CSMD1: variants seen among roughly 807,000 people sequenced by gnomAD.
CSMD1 encodes the protein CUB and Sushi multiple domains 1, also known as CUB and sushi domain-containing protein 1.
In CSMD1, 213 loss-of-function variants were observed where a neutral mutation model predicts 417.5. The ratio of observed to expected loss-of-function variants is 0.51; its 90% CI spans 0.46 to 0.57. The LOEUF is 0.57. Among genes scored for constraint, CSMD1 ranks in the 20% least tolerant of loss-of-function variants. CSMD1 has a pLI of 0.00. For missense variants in CSMD1, 6,923 were observed against 4,529.7 expected (o/e 1.53, Z -15.17); for synonymous variants, 2,862 against 1,736.8 (o/e 1.65, Z -16.11).
intron 23 of CSMD1, among the ~76,000 whole-genome samples, chr8:3,309,143 C>A (rs1056145199): frequency 1.3e-5 from 2 of 152,294 alleles, no homozygotes; most frequent in South Asian, 4.1e-4. Flanking sequence ...ACGGGATACT[C>A]TGCTGCCTCT....
At chr8:3,045,392 CA>C (rs112801387) in intron 50 of CSMD1, among the ~76,000 whole-genome samples, 5 of 149,972 alleles carry the variant, frequency 3.3e-5, no homozygotes, top group African/African-American at 7.3e-5. Flanking sequence ...TATTTTAAAA[CA>C]AAAAAAAATA....
intron 8 of CSMD1, among the ~76,000 whole-genome samples, chr8:3,610,024 A>C (rs962439318): frequency 6.6e-6 from 1 of 151,874 alleles, no homozygotes; most frequent in African/African-American, 2.4e-5. Context: ...CTGGTCTCAA[A>C]ATCCTGACCT....
At chr8:4,075,634 C>A (rs991118533) in intron 3 of CSMD1, among the ~76,000 whole-genome samples, 1 of 152,124 alleles carries the variant, frequency 6.6e-6, no homozygotes. Flanking sequence ...GTATAACTCA[C>A]ACTGTGTTGG....
chr8:4,007,846 G>C (rs953811565), intron 4 of CSMD1, among the ~76,000 whole-genome samples: 6 of 152,100 alleles, frequency 3.9e-5, no homozygotes, highest in Non-Finnish European at 5.9e-5. Context: ...TCTAAGAATA[G>C]AAGAAGAAAA....
At chr8:3,709,847 G>C (rs1213762437) in intron 6 of CSMD1, among the ~76,000 whole-genome samples, 1 of 136,750 alleles carries the variant, frequency 7.3e-6, no homozygotes, top group Non-Finnish European at 1.6e-5. Context: ...ATCTGTGTGT[G>C]TACGTGTGTG....
At chr8:3,785,422 C>T (rs1205908669) in intron 5 of CSMD1, among the ~76,000 whole-genome samples, 2 of 152,172 alleles carry the variant, frequency 1.3e-5, no homozygotes, top group African/African-American at 2.4e-5. Context: ...TCAGGCTAAG[C>T]AGCTGGGACC....
intron 1 of CSMD1, among the ~76,000 whole-genome samples, chr8:4,950,742 A>C (rs2117281411): frequency 1.3e-5 from 2 of 152,258 alleles, no homozygotes; most frequent in African/African-American, 4.8e-5. Context: ...ACTTTCAAAC[A>C]ATATAGCATT....
chr8:4,322,331 G>T (rs1015841372), intron 3 of CSMD1, among the ~76,000 whole-genome samples: 6 of 148,868 alleles, frequency 4.0e-5, no homozygotes, highest in Admixed American at 1.3e-4. Flanking sequence ...ACTTTTTTTT[G>T]CAACAATCTG....
chr8:4,068,411 C>T (rs897532527), intron 3 of CSMD1, among the ~76,000 whole-genome samples: 5 of 152,112 alleles, frequency 3.3e-5, no homozygotes, highest in Non-Finnish European at 5.9e-5. Context: ...TGGGGAGAGA[C>T]ATGAAAAGCA....
At chr8:3,266,063 T>C (rs2117118879) in intron 26 of CSMD1, among the ~76,000 whole-genome samples, 1 of 151,956 alleles carries the variant, frequency 6.6e-6, no homozygotes, top group Admixed American at 6.6e-5. Context: ...TTGAAGTTAT[T>C]ACCTTATGAA....
chr8:4,675,796 T>A (rs1174741861), intron 1 of CSMD1, among the ~76,000 whole-genome samples: 1 of 152,222 alleles, frequency 6.6e-6, no homozygotes, highest in East Asian at 1.9e-4. Flanking sequence ...TCAGGTACTC[T>A]GTTTTCTTTG....
At chr8:3,028,786 C>G (rs888733464) in intron 51 of CSMD1, among the ~76,000 whole-genome samples, 1 of 152,168 alleles carries the variant, frequency 6.6e-6, no homozygotes, top group Non-Finnish European at 1.5e-5. Flanking sequence ...AGATTGTATA[C>G]TAGACACATC....
At chr8:4,077,486 C>G (rs186048407) in intron 3 of CSMD1, among the ~76,000 whole-genome samples, 29 of 151,972 alleles carry the variant, frequency 1.9e-4, no homozygotes, top group Non-Finnish European at 2.8e-4. Flanking sequence ...TGAGGCTTCA[C>G]CTCAGTTTAC....
intron 3 of CSMD1, among the ~76,000 whole-genome samples, chr8:4,295,750 GTATATATATA>G (rs756556655): frequency 0.045 from 1,547 of 34,208 alleles, 28 homozygotes; most frequent in Middle Eastern, 0.12. Flanking sequence ...ATGTGTGTGT[GTATATATATA>G]TATATATATA....
intron 2 of CSMD1, among the ~76,000 whole-genome samples, chr8:4,631,801 G>A (rs777893681): frequency 6.6e-6 from 1 of 152,100 alleles, no homozygotes; most frequent in Non-Finnish European, 1.5e-5. Flanking sequence ...AAAATTAGGG[G>A]TAATCTTGTT....
chr8:3,346,265 A>G (rs1313424975), intron 22 of CSMD1, among the ~76,000 whole-genome samples: 1 of 152,208 alleles, frequency 6.6e-6, no homozygotes, highest in Non-Finnish European at 1.5e-5. Flanking sequence ...ACAAATGAAC[A>G]TAATTTCCTT....
chr8:4,031,959 T>A lies in CSMD1; in HGVS notation c.556A>T (p.Ile186Phe). 1 of 1,613,930 alleles carries A rather than the reference T, an allele frequency of 6.2e-7. No individual in the cohort carries two copies. Among genetic ancestry groups the A allele is most frequent in the East Asian group, 2.2e-5 (1 of 44,866 alleles). The change falls in exon 4 of 70, where the codon ATC becomes TTC. Residue 186 changes from isoleucine to phenylalanine, a missense_variant. Coordinates refer to ENST00000635120, the MANE Select transcript of CSMD1 (RefSeq NM_033225.6). Reference sequence around the variant, plus strand: ...GATGCACCATTTCCTGGGCTGACGATGCAGGTCAGGATGGCGTGGCCTTCC... The same window carrying A: ...GATGCACCATTTCCTGGGCTGACGAAGCAGGTCAGGATGGCGTGGCCTTCC... ...ILEGHAILTC[I>F]VSPGNGASWD...
intron 4 of CSMD1, among the ~76,000 whole-genome samples, chr8:4,009,822 G>A (rs976970018): frequency 4.6e-5 from 7 of 152,050 alleles, no homozygotes; most frequent in African/African-American, 1.7e-4. Flanking sequence ...CCTGTTCTCA[G>A]AGAGTCAACC....
chr8:3,626,198 G>A (rs145257210), intron 7 of CSMD1, among the ~76,000 whole-genome samples: 12 of 152,326 alleles, frequency 7.9e-5, no homozygotes, highest in African/African-American at 2.2e-4. Context: ...CAAATGCAGA[G>A]TGACTGTCAC....
Sources: gnomAD v4.1 joint callset for allele counts (sites outside exome capture counted in the v4.1 genomes callset) on GRCh38, gnomAD v4.1.1 for gene constraint, MANE v1.5 for transcripts, NCBI Gene and HGNC (gene_info 2026-07-23, HGNC 2026-07-21) for gene names.